GPC5: variants seen among roughly 807,000 people sequenced by gnomAD.
GPC5 encodes glypican 5.
GPC5 carries 47 observed loss-of-function variants against 53.9 expected under a neutral mutation model. The ratio of observed to expected loss-of-function variants is 0.87; its 90% CI spans 0.69 to 1.11. The LOEUF is 1.11. Among genes scored for constraint, GPC5 ranks in the 50% most tolerant of loss-of-function variants. The pLI is 0.00. For missense variants in GPC5, 748 were observed against 713.1 expected, an observed-to-expected ratio of 1.05 and a Z score of -0.56; for synonymous variants, 286 against 263.3, an observed-to-expected ratio of 1.09 and a Z score of -0.84.
chr13:92,176,795 T>C (rs1355201656), intron 7 of GPC5, among the ~76,000 whole-genome samples: 1 of 152,144 alleles, frequency 6.6e-6, no homozygotes, highest in Admixed American at 6.6e-5. Context: ...TCCAGCACAC[T>C]ACCAGGCACC....
At chr13:92,555,901 A>G (rs959284464) in intron 7 of GPC5, among the ~76,000 whole-genome samples, 1 of 151,524 alleles carries the variant, frequency 6.6e-6, no homozygotes, top group African/African-American at 2.4e-5. Context: ...GAAGGAGAGT[A>G]TTAACTCTGT....
chr13:91,938,352 T>A (rs1318993738), intron 6 of GPC5, among the ~76,000 whole-genome samples: 1 of 152,122 alleles, frequency 6.6e-6, no homozygotes, highest in East Asian at 1.9e-4. Context: ...TCAGAACTTG[T>A]GTGAACACAG....
chr13:92,624,702 G>A (rs1884989686), intron 7 of GPC5, among the ~76,000 whole-genome samples: 1 of 152,154 alleles, frequency 6.6e-6, no homozygotes, highest in Non-Finnish European at 1.5e-5. Context: ...TTGATTACAG[G>A]AAAGAAACTC....
intron 5 of GPC5, among the ~76,000 whole-genome samples, chr13:91,778,965 A>G (rs1439308368): frequency 6.6e-6 from 1 of 152,224 alleles, no homozygotes; most frequent in Non-Finnish European, 1.5e-5. Context: ...CAATTGTAAC[A>G]TAATGTTAAG....
chr13:91,833,060 A>C (rs1437418249), intron 5 of GPC5, among the ~76,000 whole-genome samples: 1 of 152,150 alleles, frequency 6.6e-6, no homozygotes, highest in South Asian at 2.1e-4. Flanking sequence ...GATAAAGGGG[A>C]TATCACTACT....
intron 2 of GPC5, among the ~76,000 whole-genome samples, chr13:91,450,308 G>A (rs1048021051): frequency 3.9e-5 from 6 of 152,140 alleles, no homozygotes; most frequent in Non-Finnish European, 5.9e-5. Flanking sequence ...GTTAGAAGCC[G>A]TTAACCATCT....
At chr13:91,640,635 C>A (rs1404721581) in intron 2 of GPC5, among the ~76,000 whole-genome samples, 5 of 152,016 alleles carry the variant, frequency 3.3e-5, no homozygotes, top group Non-Finnish European at 7.4e-5. Flanking sequence ...TAGGTTTATA[C>A]CTAAAGGAAT....
chr13:92,048,552 C>T (rs143716878), intron 6 of GPC5, among the ~76,000 whole-genome samples: 62 of 152,202 alleles, frequency 4.1e-4, no homozygotes, highest in African/African-American at 1.4e-3. Flanking sequence ...ACACATCTAT[C>T]GCTAATATAT....
At chr13:91,632,210 C>A (rs1184055853) in intron 2 of GPC5, among the ~76,000 whole-genome samples, 3 of 152,032 alleles carry the variant, frequency 2.0e-5, no homozygotes, top group South Asian at 2.1e-4. Flanking sequence ...AAAATGATAT[C>A]CTTGTAAAAT....
At chr13:92,753,518 G>A (rs1293188996) in intron 7 of GPC5, among the ~76,000 whole-genome samples, 7 of 152,252 alleles carry the variant, frequency 4.6e-5, no homozygotes, top group South Asian at 2.1e-4. Context: ...GGCTTCAGAC[G>A]ATCAAATTAC....
intron 2 of GPC5, among the ~76,000 whole-genome samples, chr13:91,459,998 C>T (rs138896687): frequency 0.023 from 3,552 of 152,040 alleles, 72 homozygotes; most frequent in Middle Eastern, 0.062. Flanking sequence ...ATGTATAATG[C>T]GATAGCATTG....
chr13:91,518,844 C>T (rs1446455389), intron 2 of GPC5, among the ~76,000 whole-genome samples: 1 of 152,154 alleles, frequency 6.6e-6, no homozygotes, highest in East Asian at 1.9e-4. Flanking sequence ...TGAGCCACCA[C>T]ACCCGGCTCA....
chr13:92,838,022 A>G (rs1878276945), intron 7 of GPC5, among the ~76,000 whole-genome samples: 1 of 151,916 alleles, frequency 6.6e-6, no homozygotes, highest in Non-Finnish European at 1.5e-5. Context: ...TGGAACCTGG[A>G]AGCCAAGATC....
intron 7 of GPC5, among the ~76,000 whole-genome samples, chr13:92,347,877 ATATAT>A (rs1241941959): frequency 4.7e-4 from 1 of 2,146 alleles, no homozygotes; most frequent in East Asian, 9.6e-3. Context: ...TATATATAAT[ATATAT>A]TATATATATT....
chr13:92,366,570 G>A (rs2139288407), intron 7 of GPC5, among the ~76,000 whole-genome samples: 1 of 148,498 alleles, frequency 6.7e-6, no homozygotes, highest in South Asian at 2.1e-4. Flanking sequence ...CATCTTTTAA[G>A]GGTAATTCAG....
chr13:92,147,825 A>G (rs2041879291), intron 7 of GPC5, among the ~76,000 whole-genome samples: 2 of 152,116 alleles, frequency 1.3e-5, no homozygotes, highest in Non-Finnish European at 2.9e-5. Flanking sequence ...GCGGGATAGC[A>G]TGCTGAAGTA....
chr13:92,801,883 A>G (rs1876920229), intron 7 of GPC5, among the ~76,000 whole-genome samples: 1 of 151,908 alleles, frequency 6.6e-6, no homozygotes, highest in Non-Finnish European at 1.5e-5. Context: ...CATTGTTACA[A>G]AAGGGTCAAA....
intron 6 of GPC5, among the ~76,000 whole-genome samples, chr13:92,072,928 C>A (rs748902103): frequency 4.6e-5 from 7 of 151,944 alleles, no homozygotes; most frequent in African/African-American, 1.7e-4. Context: ...TGACATAAAC[C>A]GACAAAAGAA....
At chr13:92,214,211 C>T (rs2042394826) in intron 7 of GPC5, among the ~76,000 whole-genome samples, 1 of 152,078 alleles carries the variant, frequency 6.6e-6, no homozygotes, top group African/African-American at 2.4e-5. Context: ...TTCTATACTG[C>T]CTTACTTTCT....
Sources: allele counts gnomAD v4.1 joint callset (sites outside exome capture counted in the v4.1 genomes callset), GRCh38; gene constraint gnomAD v4.1.1; transcripts MANE v1.5; gene names NCBI Gene and HGNC (gene_info 2026-07-23, HGNC 2026-07-21).